The following MRTFB variants were observed in gnomAD, a reference collection of about 807,000 sequenced individuals.
MRTFB encodes the protein myocardin related transcription factor B, also known as myocardin-related transcription factor B.
MRTFB carries 29 observed loss-of-function variants against 104.2 expected under a neutral mutation model. The observed-to-expected ratio is 0.28, with a 90% confidence interval of 0.21 to 0.38. The LOEUF (loss-of-function observed/expected upper bound fraction) is 0.38. MRTFB is among the 10% of genes least tolerant of loss of function. MRTFB has a pLI of 1.00. For missense variants in MRTFB, 1,270 were observed against 1,341.6 expected (o/e 0.95, Z 0.83); for synonymous variants, 535 against 519.5 (o/e 1.03, Z -0.41).
intron 3 of MRTFB, among the ~76,000 whole-genome samples, chr16:14,149,934 G>A (rs1230571364): frequency 2.0e-5 from 3 of 152,252 alleles, no homozygotes; most frequent in Non-Finnish European, 2.9e-5. Context: ...TCAAAGCCGT[G>A]GTTGGAATAA....
intron 2 of MRTFB, among the ~76,000 whole-genome samples, chr16:14,135,379 T>C (rs1342264089): frequency 6.6e-6 from 1 of 152,238 alleles, no homozygotes; most frequent in African/African-American, 2.4e-5. Context: ...TTTCTATGTC[T>C]AGAGACACAC....
At chr16:14,242,723 A>C (rs918002485) in intron 10 of MRTFB, among the ~76,000 whole-genome samples, 2 of 152,232 alleles carry the variant, frequency 1.3e-5, no homozygotes, top group African/African-American at 4.8e-5. Context: ...TCTGCCGATC[A>C]CATTCGTTAG....
At chr16:14,077,601 A>C (rs1268488816) in intron 1 of MRTFB, among the ~76,000 whole-genome samples, 1 of 149,582 alleles carries the variant, frequency 6.7e-6, no homozygotes, top group African/African-American at 2.4e-5. Context: ...AACACTTTTT[A>C]AAGAATCAAG....
chr16:14,009,701 CTGAG>C, the MRTFB span: 1 of 152,174 alleles, frequency 6.6e-6, no homozygotes, highest in Admixed American at 6.6e-5. Flanking sequence ...TCCTAGGATA[CTGAG>C]TGTTTTTATT....
chr16:14,066,771 C>T (rs1361169032), upstream of MRTFB, among the ~76,000 whole-genome samples: 2 of 151,656 alleles, frequency 1.3e-5, no homozygotes, highest in Admixed American at 1.3e-4. Flanking sequence ...CTCCCTCTCC[C>T]TCCCACCTTG....
At chr16:14,067,702 G>C (rs1392789246), upstream of MRTFB, among the ~76,000 whole-genome samples, 2 of 152,220 alleles carry the variant, frequency 1.3e-5, no homozygotes, top group African/African-American at 4.8e-5. Flanking sequence ...AAACTGGGAA[G>C]AGATTGCTTC....
chr16:14,253,694 G>T (rs1395912694), intron 15 of MRTFB, among the ~76,000 whole-genome samples: 1 of 152,194 alleles, frequency 6.6e-6, no homozygotes, highest in Non-Finnish European at 1.5e-5. Flanking sequence ...GGGATGCTCA[G>T]GGCCCGTAGG....
Position 14,241,963 on chromosome 16 carries a change from CCAA to C in MRTFB, c.1079+1480_1079+1482del, listed in dbSNP as rs1406756788. On this transcript the variant is annotated intron_variant, in intron 10 of 16. Transcript: ENST00000571589. ...TGCCATCCTCCTTTGGCATTGGGCA[CCAA>C]TAATAATAATAATAATAATAATAAT... Among the ~76,000 whole-genome samples the C allele has an allele frequency of 5.5e-4, 61 of 110,532 alleles. No individual in the cohort carries two copies. The East Asian group carries it at 0.016, about 29-fold the overall frequency. 72.5% of individuals were successfully genotyped at this position (110,532 alleles called of 152,430 possible). A position where few individuals can be genotyped will look rare whatever the true frequency, so the allele number is the denominator to read the frequency against.
chr16:14,193,409 T>G (rs1310033343), intron 3 of MRTFB, among the ~76,000 whole-genome samples: 2 of 151,974 alleles, frequency 1.3e-5, no homozygotes, highest in Admixed American at 1.3e-4. Context: ...CTCTCTAGAA[T>G]GCCTCCCCTC....
In MRTFB at chr16:14,246,746, G is replaced by A. The variant is rs777962274; in HGVS notation, c.1486G>A (p.Val496Met). ...TACAGGAACCAGCAACGCAACCCGT[G>A]TGGAAAATGTTCATTCCCCTCTGCC... ...PPTGTSNATRVENVHSPLPIS... is the reference protein window; with the variant it reads ...PPTGTSNATRMENVHSPLPIS... The change falls in exon 12 of 17, where the codon GTG (valine) becomes ATG (methionine). Residue 496 changes from valine to methionine, a missense_variant. Coordinates refer to ENST00000571589, the MANE Select transcript of MRTFB (RefSeq NM_001308142.2). 2.7e-5 allele frequency: 43 copies of A among 1,614,040 alleles called. No homozygotes were observed. In the Admixed American group the frequency reaches 7.0e-4, roughly 26 times the overall value.
At chr16:14,127,735 T>G (rs2037191351) in intron 2 of MRTFB, among the ~76,000 whole-genome samples, 1 of 150,916 alleles carries the variant, frequency 6.6e-6, no homozygotes, top group Non-Finnish European at 1.5e-5. Context: ...CACACACAGC[T>G]GAGAACCACT....
the MRTFB span, among the ~76,000 whole-genome samples, chr16:14,001,713 G>A: frequency 3.3e-5 from 5 of 152,208 alleles, no homozygotes; most frequent in Admixed American, 6.5e-5. Context: ...AAACCAGGCC[G>A]GCGGGCTCCG....
At chr16:14,093,841 A>G (rs533098960) in intron 2 of MRTFB, among the ~76,000 whole-genome samples, 27 of 152,346 alleles carry the variant, frequency 1.8e-4, no homozygotes, top group African/African-American at 6.3e-4. Flanking sequence ...TATCACTTCT[A>G]AAATCAGTTA....
At chr16:14,213,870 T>C (rs917116187) in intron 6 of MRTFB, among the ~76,000 whole-genome samples, 2 of 152,192 alleles carry the variant, frequency 1.3e-5, no homozygotes, top group Non-Finnish European at 2.9e-5. Context: ...TCTACCATAC[T>C]GTTCCACTAA....
intron 3 of MRTFB, among the ~76,000 whole-genome samples, chr16:14,184,746 A>G (rs1180076040): frequency 1.3e-5 from 2 of 152,190 alleles, no homozygotes; most frequent in African/African-American, 2.4e-5. Flanking sequence ...GGCTTCTGCT[A>G]TTAAGCCTGT....
intron 2 of MRTFB, among the ~76,000 whole-genome samples, chr16:14,082,030 A>G (rs2034443892): frequency 6.6e-6 from 1 of 152,198 alleles, no homozygotes; most frequent in South Asian, 2.1e-4. Flanking sequence ...GCTATACAGA[A>G]GCTTATTAAT....
At chr16:14,138,955 T>TA in intron 2 of MRTFB, among the ~76,000 whole-genome samples, 1 of 152,130 alleles carries the variant, frequency 6.6e-6, no homozygotes. Context: ...GACTTAAATG[T>TA]AAAACGTGAA....
At chr16:14,147,617 G>T (rs2038383822) in intron 3 of MRTFB, among the ~76,000 whole-genome samples, 2 of 152,176 alleles carry the variant, frequency 1.3e-5, no homozygotes, top group Admixed American at 6.5e-5. Flanking sequence ...GGCTGTGTGT[G>T]ACTTTACCTT....
intron 2 of MRTFB, among the ~76,000 whole-genome samples, chr16:14,128,349 C>T (rs149416930): frequency 1.2e-3 from 180 of 152,228 alleles, no homozygotes; most frequent in South Asian, 1.9e-3. Context: ...TTGAAGGGTT[C>T]GTGGTCTCGA....
Sources: allele counts gnomAD v4.1 joint callset (sites outside exome capture counted in the v4.1 genomes callset), GRCh38; gene constraint gnomAD v4.1.1; transcripts MANE v1.5; gene names NCBI Gene and HGNC (gene_info 2026-07-23, HGNC 2026-07-21).